Variants in PSD3 observed in about 807,000 individuals in gnomAD.
PSD3 encodes the protein PH and SEC7 domain-containing protein 3.
Under a neutral mutation model 105.5 loss-of-function variants are expected in PSD3, and 49 were observed. That is an observed-to-expected ratio of 0.46 (90% CI 0.37 to 0.59). PSD3 has a LOEUF of 0.59. Ranked by LOEUF, PSD3 falls within the 20% of genes least tolerant of loss-of-function variation. The pLI is 0.00. For missense variants in PSD3, 1,561 were observed against 1,263.8 expected (o/e 1.24, Z -3.57); for synonymous variants, 557 against 457.8 (o/e 1.22, Z -2.77).
At chr8:18,617,227 G>C (rs903981656) in intron 11 of PSD3, among the ~76,000 whole-genome samples, 1 of 151,924 alleles carries the variant, frequency 6.6e-6, no homozygotes, top group Non-Finnish European at 1.5e-5. Flanking sequence ...TATTATATTT[G>C]TTAATTTTAA....
chr8:18,536,770 G>C (rs377267079), intron 15 of PSD3, among the ~76,000 whole-genome samples: 6 of 148,400 alleles, frequency 4.0e-5, no homozygotes, highest in Admixed American at 3.4e-4. Context: ...TTTTCTTCCA[G>C]TTTCTATCCC....
chr8:18,817,359 C>A (rs1157503849), intron 4 of PSD3, among the ~76,000 whole-genome samples: 1 of 152,140 alleles, frequency 6.6e-6, no homozygotes, highest in South Asian at 2.1e-4. Context: ...ATCTAAGGGT[C>A]CAGACTCTTA....
At chr8:19,047,571 G>T (rs1828366921) in intron 1 of PSD3, among the ~76,000 whole-genome samples, 2 of 152,048 alleles carry the variant, frequency 1.3e-5, no homozygotes, top group South Asian at 2.1e-4. Flanking sequence ...TTTGAGTTTT[G>T]GGGGAGGGAA....
chr8:18,718,912 A>G (rs750248867), intron 9 of PSD3, among the ~76,000 whole-genome samples: 7 of 152,202 alleles, frequency 4.6e-5, no homozygotes, highest in Admixed American at 6.5e-5. Context: ...CCAAGACAAC[A>G]TTCAAAAAAA....
intron 1 of PSD3, among the ~76,000 whole-genome samples, chr8:18,981,382 C>T (rs1171074785): frequency 6.6e-6 from 1 of 152,116 alleles, no homozygotes; most frequent in Non-Finnish European, 1.5e-5. Context: ...CAGTGCCAGA[C>T]TAAATGAATT....
rs118151079 is a variant in PSD3, at chr8:18,949,046, C to T, written c.22-12904G>A. Among the ~76,000 whole-genome samples the T allele has an allele frequency of 1.6e-3, 238 of 149,758 alleles. 2 individuals are homozygous for T. The East Asian group carries it at 0.026, about 16-fold the overall frequency. ...AAGAATATAGTTATACACGGTGAAA[C>T]CCCGTCTCTACTAAAAATACAAAAA... is the stretch of plus-strand genomic sequence containing the variant. On this transcript the variant is annotated intron_variant, in intron 1 of 15. Coordinates refer to ENST00000327040, the MANE Select transcript of PSD3 (RefSeq NM_015310.4).
intron 12 of PSD3, among the ~76,000 whole-genome samples, chr8:18,587,039 G>C (rs1322043862): frequency 6.6e-6 from 1 of 152,114 alleles, no homozygotes; most frequent in Non-Finnish European, 1.5e-5. Flanking sequence ...ACTAACTTTG[G>C]GCCAGGGCTT....
chr8:18,979,687 T>G (rs1441355827), intron 1 of PSD3: 1 of 175,962 alleles, frequency 5.7e-6, no homozygotes. Context: ...GTAGACAGGG[T>G]GTTACGCAAG....
intron 2 of PSD3, 81 bp downstream of exon 2, chr8:18,935,953 A>C (rs903114972): frequency 3.6e-6 from 3 of 827,346 alleles, no homozygotes; most frequent in Non-Finnish European, 6.0e-6. Flanking sequence ...AGAAGAAAGT[A>C]ATGCAGGTGG....
chr8:18,586,994 G>A (rs1803238354), intron 12 of PSD3, among the ~76,000 whole-genome samples: 1 of 152,162 alleles, frequency 6.6e-6, no homozygotes, highest in Non-Finnish European at 1.5e-5. Context: ...TTACACAGGA[G>A]GCCAAATGAG....
intron 1 of PSD3, among the ~76,000 whole-genome samples, chr8:19,083,558 T>C (rs960709560): frequency 9.9e-5 from 15 of 152,142 alleles, no homozygotes; most frequent in African/African-American, 3.1e-4. Flanking sequence ...TCTAGGTGTG[T>C]TGGGGAGATG....
chr8:19,043,507 T>C (rs1170474234), intron 1 of PSD3, among the ~76,000 whole-genome samples: 1 of 152,078 alleles, frequency 6.6e-6, no homozygotes, highest in Non-Finnish European at 1.5e-5. Flanking sequence ...AGGTTTAGAG[T>C]TGTTGGGGGA....
chr8:18,671,846 T>C (rs1475310277), intron 9 of PSD3, among the ~76,000 whole-genome samples: 4 of 152,192 alleles, frequency 2.6e-5, no homozygotes, highest in African/African-American at 9.7e-5. Flanking sequence ...TTAGCCAGAA[T>C]GGTCTCGATC....
chr8:19,071,142 C>T (rs963235709), intron 1 of PSD3, among the ~76,000 whole-genome samples: 8 of 151,948 alleles, frequency 5.3e-5, no homozygotes, highest in Admixed American at 1.3e-4. Context: ...TCACTGCAAC[C>T]TCCGCCTCCT....
intron 9 of PSD3, among the ~76,000 whole-genome samples, chr8:18,685,380 C>T (rs142235816): frequency 0.016 from 2,500 of 152,186 alleles, 56 homozygotes; most frequent in African/African-American, 0.041. Flanking sequence ...TTTGTTGCAT[C>T]CTCATGACAG....
At chr8:18,733,616 G>C (rs1803930873) in intron 9 of PSD3, 1 of 152,808 alleles carries the variant, frequency 6.5e-6, no homozygotes. Context: ...GAATTTCACT[G>C]GATCAGAGGC....
chr8:18,745,451 G>A (rs191138464), intron 9 of PSD3, among the ~76,000 whole-genome samples: 1 of 152,048 alleles, frequency 6.6e-6, no homozygotes, highest in African/African-American at 2.4e-5. Context: ...TTCCAGCTTT[G>A]GCCATTAGGA....
At chr8:18,614,411 A>AT (rs200955910) in intron 11 of PSD3, among the ~76,000 whole-genome samples, 30,080 of 139,938 alleles carry the variant, frequency 0.21, 3,208 homozygotes, top group Non-Finnish European at 0.27. Flanking sequence ...ATTACCGGGA[A>AT]TTTTTTTTTT....
chr8:18,832,906 C>T (rs534406246), intron 4 of PSD3, among the ~76,000 whole-genome samples: 26 of 152,156 alleles, frequency 1.7e-4, no homozygotes, highest in African/African-American at 1.2e-4. Context: ...CCATGACACA[C>T]GGGGATTATG....
Sources: gnomAD v4.1 joint callset for allele counts (sites outside exome capture counted in the v4.1 genomes callset) on GRCh38, gnomAD v4.1.1 for gene constraint, MANE v1.5 for transcripts, NCBI Gene and HGNC (gene_info 2026-07-23, HGNC 2026-07-21) for gene names.